Variants in CNTNAP2 observed in about 807,000 individuals in gnomAD.
The protein encoded by CNTNAP2 is contactin associated protein 2, also known as contactin-associated protein-like 2.
A neutral mutation model predicts 155.2 loss-of-function variants in CNTNAP2; 98 were observed. The observed-to-expected ratio is 0.63, with a 90% CI of 0.54 to 0.75. CNTNAP2 has a LOEUF of 0.75. Among genes scored for constraint, CNTNAP2 ranks in the 30% least tolerant of loss-of-function variants. CNTNAP2 has a pLI of 0.00. For missense variants in CNTNAP2, 1,727 were observed against 1,688.1 expected (o/e 1.02, Z -0.40); for synonymous variants, 651 against 631.2 (o/e 1.03, Z -0.47).
chr7:148,196,700 G>A (rs958319679), intron 18 of CNTNAP2, among the ~76,000 whole-genome samples: 7 of 152,150 alleles, frequency 4.6e-5, no homozygotes, highest in Admixed American at 1.3e-4. Flanking sequence ...CATCTCTTTG[G>A]CAGAGCAAGG....
chr7:146,341,820 A>C (rs1187851135), intron 1 of CNTNAP2, among the ~76,000 whole-genome samples: 1 of 152,180 alleles, frequency 6.6e-6, no homozygotes, highest in South Asian at 2.1e-4. Flanking sequence ...TAGTTTAAAA[A>C]GTTTTATGCC....
At chr7:148,251,038 T>C (rs571066143) in intron 20 of CNTNAP2, among the ~76,000 whole-genome samples, 1 of 152,258 alleles carries the variant, frequency 6.6e-6, no homozygotes, top group East Asian at 1.9e-4. Flanking sequence ...ACCCTTGTTC[T>C]ATTATTACCT....
rs775827500 is a variant in CNTNAP2, at chr7:146,273,748, G to T, written c.97+156775G>T. ...AAAGAACACCTATTCTGCGGTCTGT[G>T]GTCCTAGATTTTAAGGACGACCCTT... On this transcript the variant is annotated intron_variant, in intron 1 of 23. Coordinates refer to ENST00000361727, the MANE Select transcript of CNTNAP2 (RefSeq NM_014141.6). 7.2e-5 allele frequency among the ~76,000 whole-genome samples: 11 copies of T among 152,000 alleles called. 1 individual carries two copies. Among genetic ancestry groups the T allele is most frequent in the Admixed American group, 2.0e-4 (3 of 15,246 alleles).
intron 1 of CNTNAP2, among the ~76,000 whole-genome samples, chr7:146,585,882 A>G (rs1247452338): frequency 6.6e-6 from 1 of 151,930 alleles, no homozygotes; most frequent in Non-Finnish European, 1.5e-5. Flanking sequence ...GTGTGCACCT[A>G]TAGTCCCAGC....
chr7:147,865,801 A>G (rs578140801), intron 13 of CNTNAP2, among the ~76,000 whole-genome samples: 1 of 151,942 alleles, frequency 6.6e-6, no homozygotes, highest in Non-Finnish European at 1.5e-5. Context: ...TATTGCATCT[A>G]TTTGATTCTT....
chr7:146,375,564 T>C (rs1795292918), intron 1 of CNTNAP2, among the ~76,000 whole-genome samples: 1 of 152,254 alleles, frequency 6.6e-6, no homozygotes, highest in Non-Finnish European at 1.5e-5. Context: ...ATAAAGAATC[T>C]AACAGTTCCT....
At chr7:146,304,046 T>C (rs1022326437) in intron 1 of CNTNAP2, among the ~76,000 whole-genome samples, 1 of 152,036 alleles carries the variant, frequency 6.6e-6, no homozygotes, top group African/African-American at 2.4e-5. Flanking sequence ...TCTTTCGATC[T>C]TTGTTGGTTT....
At chr7:146,590,151 G>A (rs986209624) in intron 1 of CNTNAP2, among the ~76,000 whole-genome samples, 2 of 152,058 alleles carry the variant, frequency 1.3e-5, no homozygotes, top group African/African-American at 4.8e-5. Context: ...CGTTTGTTTT[G>A]TTTTGTTTCC....
intron 10 of CNTNAP2, among the ~76,000 whole-genome samples, chr7:147,477,380 C>T (rs1490923908): frequency 2.0e-5 from 3 of 152,144 alleles, no homozygotes; most frequent in Non-Finnish European, 4.4e-5. Context: ...TAATTTACCT[C>T]CAAGTAATCA....
At chr7:147,627,926 A>C (rs546307716) in intron 12 of CNTNAP2, among the ~76,000 whole-genome samples, 1 of 135,938 alleles carries the variant, frequency 7.4e-6, no homozygotes, top group African/African-American at 2.8e-5. Flanking sequence ...CAATCAGACA[A>C]AGACAAGAAA....
At chr7:146,607,919 G>T (rs928396880) in intron 1 of CNTNAP2, among the ~76,000 whole-genome samples, 4 of 152,024 alleles carry the variant, frequency 2.6e-5, no homozygotes, top group Non-Finnish European at 4.4e-5. Flanking sequence ...AGTTTACCAT[G>T]CCTCAGTCCC....
chr7:146,277,307 C>T (rs115674611), intron 1 of CNTNAP2, among the ~76,000 whole-genome samples: 2,225 of 152,126 alleles, frequency 0.015, 58 homozygotes, highest in African/African-American at 0.049. Flanking sequence ...CACTTTGTTA[C>T]GGAGCCTTAG....
At chr7:146,245,446 AG>A (rs1313297118) in intron 1 of CNTNAP2, among the ~76,000 whole-genome samples, 2 of 152,178 alleles carry the variant, frequency 1.3e-5, no homozygotes, top group Non-Finnish European at 2.9e-5. Flanking sequence ...GGCCTCTAAA[AG>A]TATTAGGGCG....
At chr7:146,881,067 A>G (rs1795539811) in intron 3 of CNTNAP2, among the ~76,000 whole-genome samples, 1 of 152,174 alleles carries the variant, frequency 6.6e-6, no homozygotes, top group African/African-American at 2.4e-5. Flanking sequence ...CATTGAGTAG[A>G]TTCCAGGAAA....
At chr7:146,630,841 C>A (rs1799498861) in intron 1 of CNTNAP2, among the ~76,000 whole-genome samples, 1 of 151,804 alleles carries the variant, frequency 6.6e-6, no homozygotes, top group South Asian at 2.1e-4. Flanking sequence ...CCTAGGAATA[C>A]AACTTAAAAG....
intron 15 of CNTNAP2, among the ~76,000 whole-genome samples, chr7:148,005,468 A>G (rs2116898315): frequency 6.6e-6 from 1 of 152,232 alleles, no homozygotes; most frequent in African/African-American, 2.4e-5. Context: ...CACATAATGT[A>G]GCATCTCATA....
chr7:147,282,679 T>G (rs1352531061), intron 8 of CNTNAP2, among the ~76,000 whole-genome samples: 1 of 151,922 alleles, frequency 6.6e-6, no homozygotes, highest in Admixed American at 6.6e-5. Context: ...TGTATCTGTG[T>G]GTCATAAAAG....
intron 8 of CNTNAP2, among the ~76,000 whole-genome samples, chr7:147,137,290 TTAAG>T (rs1267951540): frequency 6.6e-6 from 1 of 151,164 alleles, no homozygotes; most frequent in Admixed American, 6.6e-5. Context: ...TAATAAAAAC[TTAAG>T]TAGACTATGA....
At chr7:146,163,727 A>T (rs1205051721) in intron 1 of CNTNAP2, among the ~76,000 whole-genome samples, 6 of 149,216 alleles carry the variant, frequency 4.0e-5, no homozygotes, top group East Asian at 3.9e-4. Flanking sequence ...CATACTGGGT[A>T]AAAAAAAAGA....
Sources: gnomAD v4.1 joint callset for allele counts (sites outside exome capture counted in the v4.1 genomes callset) on GRCh38, gnomAD v4.1.1 for gene constraint, MANE v1.5 for transcripts, NCBI Gene and HGNC (gene_info 2026-07-23, HGNC 2026-07-21) for gene names.